Variants in ORC4 observed in about 807,000 individuals in gnomAD.
ORC4 encodes the protein origin recognition complex, subunit 4 homolog.
In ORC4, 55 loss-of-function variants were observed where a neutral mutation model predicts 63.9. The observed-to-expected ratio is 0.86, with a 90% CI of 0.69 to 1.08. The LOEUF is 1.08. Ranked by LOEUF, ORC4 falls within the 50% of genes least tolerant of loss-of-function variation. The probability of loss-of-function intolerance (pLI) is 0.00; values close to 1 mark genes in which losing one functional copy is unlikely to be tolerated. For missense variants in ORC4, 511 were observed against 504.4 expected, an observed-to-expected ratio of 1.01 and a Z score of -0.13; for synonymous variants, 150 against 168.5, an observed-to-expected ratio of 0.89 and a Z score of 0.85.
intron 1 of ORC4, among the ~76,000 whole-genome samples, chr2:148,011,303 G>GCA (rs1692952654): frequency 1.3e-5 from 2 of 152,214 alleles, no homozygotes. Context: ...TCCCAGGGAT[G>GCA]TAAGGATGGT....
In ORC4 at chr2:147,932,784, AG is replaced by A; in HGVS notation, c.*2725del. 1 of 152,242 alleles carries A rather than the reference AG, an allele frequency of 6.6e-6. No individual in the cohort carries two copies. 9.4% of individuals were successfully genotyped at this position (152,242 alleles called of 1,614,324 possible). Reference sequence around the variant, plus strand: ...AAAGGTGAAGGATGGGGCAGCACTTAGGTTATGGTGGTTTGAAAGAAACTGA... The same window carrying A: ...AAAGGTGAAGGATGGGGCAGCACTTAGTTATGGTGGTTTGAAAGAAACTGA... On this transcript the variant is annotated 3_prime_UTR_variant, in exon 14 of 14. Coordinates refer to ENST00000392857, the MANE Select transcript of ORC4 (RefSeq NM_181741.4).
intron 1 of ORC4, among the ~76,000 whole-genome samples, chr2:148,018,603 T>A (rs1488005034): frequency 6.6e-6 from 1 of 152,086 alleles, no homozygotes; most frequent in Non-Finnish European, 1.5e-5. Context: ...ATTACTACAA[T>A]CCAATATAAG....
intron 4 of ORC4, among the ~76,000 whole-genome samples, chr2:147,963,145 C>T (rs1394539332): frequency 6.6e-6 from 1 of 152,130 alleles, no homozygotes; most frequent in Non-Finnish European, 1.5e-5. Context: ...GCCAAGCAAT[C>T]ATGTGCCCAC....
intron 4 of ORC4, among the ~76,000 whole-genome samples, chr2:147,966,661 C>T (rs1348378719): frequency 4.6e-5 from 7 of 152,048 alleles, no homozygotes; most frequent in Non-Finnish European, 8.8e-5. Flanking sequence ...CAAGAAGACA[C>T]AGAAAACCTG....
intron 8 of ORC4, among the ~76,000 whole-genome samples, chr2:147,951,146 G>A (rs899499125): frequency 1.3e-5 from 2 of 152,100 alleles, no homozygotes; most frequent in African/African-American, 4.8e-5. Context: ...AGCACTGGAA[G>A]GAGGACTGTT....
At chr2:147,943,380 G>T in intron 10 of ORC4, 56 bp downstream of exon 10, 2 of 1,165,598 alleles carry the variant, frequency 1.7e-6, no homozygotes, top group African/African-American at 1.5e-5. Flanking sequence ...GTGAGACCCC[G>T]TCACTATTAA....
rs75002266 is a variant in ORC4, at chr2:147,939,241, G to A, written c.857C>T (p.Ala286Val). 7,027 of 1,606,638 alleles carry A rather than the reference G, an allele frequency of 4.4e-3. 23 individuals are homozygous for A. The highest frequency in any genetic ancestry group is 0.016 in the Middle Eastern group (97 of 6,048). Reference protein sequence around the residue: ...LRSLHMLLMLALNRVTASHPF... With the variant: ...LRSLHMLLMLVLNRVTASHPF... Reference sequence around the variant, plus strand: ...GTGCGATGCTGTTACTCGATTTAAAGCAAGCATCTAGGGAAAGACAGATCA... The same window carrying A: ...GTGCGATGCTGTTACTCGATTTAAAACAAGCATCTAGGGAAAGACAGATCA... The change falls in exon 11 of 14, where the codon GCT (alanine) becomes GTT (valine). Residue 286 changes from alanine (A) to valine (V), a missense_variant. Coordinates refer to ENST00000392857, the MANE Select transcript of ORC4 (RefSeq NM_181741.4).
chr2:147,966,845 G>A (rs530049936), intron 4 of ORC4, among the ~76,000 whole-genome samples: 28 of 152,144 alleles, frequency 1.8e-4, no homozygotes, highest in East Asian at 1.4e-3. Context: ...TTCCTAATTC[G>A]TTCTATGAGG....
chr2:148,005,667 A>C (rs1207626563), intron 1 of ORC4, among the ~76,000 whole-genome samples: 4 of 147,892 alleles, frequency 2.7e-5, no homozygotes, highest in African/African-American at 1.0e-4. Context: ...AAAAAAAAAA[A>C]AAAAAAAAAA....
At chr2:147,997,990 A>T (rs929431643) in intron 1 of ORC4, among the ~76,000 whole-genome samples, 2 of 152,162 alleles carry the variant, frequency 1.3e-5, no homozygotes, top group Admixed American at 6.5e-5. Flanking sequence ...GGACATAATT[A>T]AAAAAACACC....
At chr2:147,986,577 G>A (rs1418927995) in intron 1 of ORC4, among the ~76,000 whole-genome samples, 1 of 152,104 alleles carries the variant, frequency 6.6e-6, no homozygotes, top group East Asian at 1.9e-4. Context: ...TTCTGAGAGA[G>A]AGACCAAGAC....
rs961230245 is a variant in ORC4 at position 147,960,350 on chromosome 2, T to C, written c.226-1484A>G. The stretch of plus-strand genomic sequence containing the variant: ...TAGCAAGTGAGTCTTCAAATAATGT[T>C]AGTTCTAATCTGGGTATTGCTAAAA... On this transcript the variant is annotated intron_variant, in intron 4 of 13. Coordinates refer to ENST00000392857, the MANE Select transcript of ORC4 (RefSeq NM_181741.4). The C allele has an allele frequency of 1.6e-5, 16 of 977,700 alleles. No individual in the cohort carries two copies. The South Asian group carries it at 2.8e-4, about 17-fold the overall frequency. 60.6% of individuals were successfully genotyped at this position (977,700 alleles called of 1,614,324 possible). A position where few individuals can be genotyped will look rare whatever the true frequency, so the allele number is the denominator to read the frequency against.
At chr2:147,950,341 A>G (rs1442035419) in intron 8 of ORC4, among the ~76,000 whole-genome samples, 5 of 152,142 alleles carry the variant, frequency 3.3e-5, no homozygotes, top group African/African-American at 1.2e-4. Context: ...GCATACAGGA[A>G]CTAGTAAAAA....
chr2:147,958,119 A>G (rs1689365549), intron 6 of ORC4, among the ~76,000 whole-genome samples, 179 bp downstream of exon 6: 1 of 152,170 alleles, frequency 6.6e-6, no homozygotes, highest in Admixed American at 6.6e-5. Context: ...AAATCCAAGT[A>G]TTGTAGACTT....
At position 147,934,202 on chromosome 2, in the gene ORC4, ATAGT is replaced by A; in HGVS notation, c.*1304_*1307del. The A allele has an allele frequency of 6.6e-6, 1 of 152,270 alleles. No homozygotes were observed. Among genetic ancestry groups the A allele is most frequent in the East Asian group, 1.9e-4 (1 of 5,180 alleles). The allele number at this position is 152,270 out of a possible 1,614,324, so 9.4% of individuals were successfully genotyped here. A position where few individuals can be genotyped will look rare whatever the true frequency, so the allele number is the denominator to read the frequency against. On this transcript the variant is annotated 3_prime_UTR_variant, in exon 14 of 14. Transcript: ENST00000392857. ...CTGCCTACATCTCACAGGGCCTCTA[ATAGT>A]TAAATAGATTGTAAGCTGCACAAGC...
chr2:147,980,874 T>C (rs1346152903), intron 1 of ORC4, among the ~76,000 whole-genome samples: 1 of 152,124 alleles, frequency 6.6e-6, no homozygotes, highest in African/African-American at 2.4e-5. Context: ...TCCATCAATA[T>C]ATACAAAGGA....
intron 1 of ORC4, among the ~76,000 whole-genome samples, chr2:148,019,584 C>T (rs368836133): frequency 1.6e-4 from 25 of 152,118 alleles, no homozygotes; most frequent in African/African-American, 6.0e-4. Context: ...AGCGAGACTC[C>T]GTCTCAAAAC....
At chr2:148,007,518 C>T (rs1282313748) in intron 1 of ORC4, among the ~76,000 whole-genome samples, 1 of 152,036 alleles carries the variant, frequency 6.6e-6, no homozygotes, top group Non-Finnish European at 1.5e-5. Flanking sequence ...TATGAAAATA[C>T]AGTCAGAAGA....
In ORC4 at chr2:147,983,405, T is replaced by C. The variant is rs1691004400; in HGVS notation, c.-17-7430A>G. The stretch of plus-strand genomic sequence containing the variant: ...TACCCAGACAGTAAGGGACTGCCTT[T>C]TGAAGTTCTTCTGATATTGGACAAT... On this transcript the variant is annotated intron_variant, in intron 1 of 13. Coordinates refer to ENST00000392857, the MANE Select transcript of ORC4 (RefSeq NM_181741.4). Among the ~76,000 whole-genome samples, 4 of 152,226 alleles carry C rather than the reference T, an allele frequency of 2.6e-5. No individual in the cohort carries two copies. In the South Asian group the frequency reaches 8.3e-4, roughly 31 times the overall value.
Sources: gnomAD v4.1 joint callset for allele counts (sites outside exome capture counted in the v4.1 genomes callset) on GRCh38, gnomAD v4.1.1 for gene constraint, MANE v1.5 for transcripts, NCBI Gene and HGNC (gene_info 2026-07-23, HGNC 2026-07-21) for gene names.